AUTS2: variants seen among roughly 807,000 people sequenced by gnomAD.
The protein encoded by AUTS2 is activator of transcription and developmental regulator AUTS2.
In AUTS2, 17 loss-of-function variants were observed where a neutral mutation model predicts 112.4. That is an observed-to-expected ratio of 0.15 (90% confidence interval 0.10 to 0.23). AUTS2 has a LOEUF of 0.23. AUTS2 is among the 10% of genes least tolerant of loss of function. The pLI is 1.00. For missense variants in AUTS2, 1,510 were observed against 1,701.6 expected, an observed-to-expected ratio of 0.89 and a Z score of 1.98; for synonymous variants, 751 against 702.7, an observed-to-expected ratio of 1.07 and a Z score of -1.09.
At chr7:69,601,177 G>T (rs1331496807) in intron 1 of AUTS2, among the ~76,000 whole-genome samples, 1 of 151,884 alleles carries the variant, frequency 6.6e-6, no homozygotes, top group African/African-American at 2.4e-5. Flanking sequence ...TTGAGATTCT[G>T]CAGAGTTGGT....
At chr7:70,480,706 A>G (rs1296240639) in intron 5 of AUTS2, among the ~76,000 whole-genome samples, 1 of 152,166 alleles carries the variant, frequency 6.6e-6, no homozygotes, top group Non-Finnish European at 1.5e-5. Flanking sequence ...GACAGGAAGG[A>G]TGTGTGGTGG....
chr7:70,665,750 C>T (rs1396512954), intron 5 of AUTS2, among the ~76,000 whole-genome samples: 1 of 152,102 alleles, frequency 6.6e-6, no homozygotes, highest in Non-Finnish European at 1.5e-5. Flanking sequence ...ATGGTATTCA[C>T]AGGATACAAA....
intron 1 of AUTS2, among the ~76,000 whole-genome samples, chr7:69,886,236 T>A (rs958536739): frequency 2.6e-5 from 4 of 152,218 alleles, no homozygotes; most frequent in Non-Finnish European, 5.9e-5. Context: ...ATATATGCAC[T>A]TGTTCATGTT....
At chr7:70,382,345 AACTCTGATGTGTCCT>A (rs1196234659) in intron 4 of AUTS2, among the ~76,000 whole-genome samples, 1 of 152,122 alleles carries the variant, frequency 6.6e-6, no homozygotes, top group Non-Finnish European at 1.5e-5. Context: ...TACAATCCCC[AACTCTGATGTGTCCT>A]ACACATCACT....
chr7:70,508,652 G>A (rs765082686), intron 5 of AUTS2, among the ~76,000 whole-genome samples: 12 of 152,134 alleles, frequency 7.9e-5, no homozygotes, highest in African/African-American at 1.4e-4. Context: ...GAGTGTGTGC[G>A]CGTACATACA....
At chr7:70,094,675 A>G (rs1036194751) in intron 2 of AUTS2, among the ~76,000 whole-genome samples, 7 of 152,184 alleles carry the variant, frequency 4.6e-5, no homozygotes, top group African/African-American at 1.7e-4. Context: ...GCTCATTGGT[A>G]GGGTTGCATG....
rs1236234553 is a variant in AUTS2, at chr7:70,686,484, C to G, written c.691-12085C>G. Reference sequence around the variant, plus strand: ...CTTTTAACCACTAGACCAACTACCTCTTAGTTGTCCCCAAACATAGAAATG... The same window carrying G: ...CTTTTAACCACTAGACCAACTACCTGTTAGTTGTCCCCAAACATAGAAATG... On this transcript the variant is annotated intron_variant, in intron 5 of 18. Coordinates refer to ENST00000342771, the MANE Select transcript of AUTS2 (RefSeq NM_015570.4). 7.2e-5 allele frequency among the ~76,000 whole-genome samples: 11 copies of G among 152,262 alleles called. No homozygotes were observed. In the East Asian group the frequency reaches 2.1e-3, roughly 29 times the overall value.
intron 5 of AUTS2, among the ~76,000 whole-genome samples, chr7:70,459,141 T>A (rs1247094050): frequency 2.0e-5 from 3 of 152,202 alleles, no homozygotes; most frequent in Non-Finnish European, 2.9e-5. Flanking sequence ...CTACCCTTAG[T>A]TGTTAATTTG....
intron 1 of AUTS2, among the ~76,000 whole-genome samples, chr7:69,830,934 T>A (rs964570583): frequency 6.6e-6 from 1 of 152,282 alleles, no homozygotes; most frequent in Admixed American, 6.5e-5. Flanking sequence ...TTTCATCTTC[T>A]TTTCCCATCA....
chr7:69,934,790 C>T lies in AUTS2; in HGVS notation c.522+35292C>T, dbSNP rs142930934. Among the ~76,000 whole-genome samples, 881 of 152,240 alleles carry T rather than the reference C, an allele frequency of 5.8e-3. 5 individuals are homozygous for T. Among genetic ancestry groups the T allele is most frequent in the Non-Finnish European group, 8.6e-3 (584 of 68,016 alleles). On this transcript the variant is annotated intron_variant, in intron 2 of 18. Transcript: ENST00000342771. ...TCAATCTCGTCTTGACAGATGCTGT[C>T]GTTGCCACCCCTTAGCAAGACAAAT... is the stretch of plus-strand genomic sequence containing the variant.
At chr7:70,477,328 A>T (rs2116073458) in intron 5 of AUTS2, among the ~76,000 whole-genome samples, 1 of 152,316 alleles carries the variant, frequency 6.6e-6, no homozygotes, top group Admixed American at 6.5e-5. Context: ...GTTTGAAAAA[A>T]GGCAGGCCTG....
At chr7:70,232,476 G>A (rs1291572207) in intron 4 of AUTS2, among the ~76,000 whole-genome samples, 1 of 151,718 alleles carries the variant, frequency 6.6e-6, no homozygotes, top group Non-Finnish European at 1.5e-5. Context: ...CGATCTTGGT[G>A]CACTGCAACT....
chr7:69,730,014 T>C (rs1251085903), intron 1 of AUTS2, among the ~76,000 whole-genome samples: 2 of 144,896 alleles, frequency 1.4e-5, no homozygotes, highest in Non-Finnish European at 3.0e-5. Flanking sequence ...TTTTTTTTTT[T>C]TTTTTAGAAA....
chr7:70,376,635 A>C (rs1360490032), intron 4 of AUTS2, among the ~76,000 whole-genome samples: 3 of 150,536 alleles, frequency 2.0e-5, no homozygotes, highest in South Asian at 2.1e-4. Flanking sequence ...CTCCTGTGTG[A>C]TGTAATGGTG....
chr7:70,107,107 TTAAAC>T (rs2129570608), intron 2 of AUTS2, among the ~76,000 whole-genome samples: 1 of 152,312 alleles, frequency 6.6e-6, no homozygotes, highest in African/African-American at 2.4e-5. Flanking sequence ...TGAAGACTTC[TTAAAC>T]TAACTGTAAT....
At chr7:69,754,242 G>GAACATAT (rs1198543587) in intron 1 of AUTS2, among the ~76,000 whole-genome samples, 2 of 152,144 alleles carry the variant, frequency 1.3e-5, no homozygotes, top group African/African-American at 4.8e-5. Context: ...GAGAAGGGGT[G>GAACATAT]GGGACAACAT....
intron 5 of AUTS2, among the ~76,000 whole-genome samples, chr7:70,584,860 G>C (rs1282918590): frequency 6.6e-6 from 1 of 152,248 alleles, no homozygotes; most frequent in Non-Finnish European, 1.5e-5. Flanking sequence ...CTTCATTCCA[G>C]AAGCTCTGGC....
intron 1 of AUTS2, among the ~76,000 whole-genome samples, chr7:69,661,205 G>T (rs958241525): frequency 6.6e-6 from 1 of 152,144 alleles, no homozygotes; most frequent in Non-Finnish European, 1.5e-5. Flanking sequence ...TGATTTGTGA[G>T]GGACAAAGAT....
intron 4 of AUTS2, among the ~76,000 whole-genome samples, chr7:70,269,110 T>C (rs1293997047): frequency 6.6e-6 from 1 of 152,202 alleles, no homozygotes; most frequent in Admixed American, 6.5e-5. Context: ...CCAGATTTGC[T>C]TTGAATCTCT....
Sources: allele counts gnomAD v4.1 joint callset (sites outside exome capture counted in the v4.1 genomes callset), GRCh38; gene constraint gnomAD v4.1.1; transcripts MANE v1.5; gene names NCBI Gene and HGNC (gene_info 2026-07-23, HGNC 2026-07-21).